Variants in HCN2 observed in about 807,000 individuals in gnomAD.
HCN2 encodes hyperpolarization activated cyclic nucleotide gated potassium and sodium channel 2.
Under a neutral mutation model 52.3 loss-of-function variants are expected in HCN2, and 20 were observed. That is an observed-to-expected ratio of 0.38 (90% CI 0.27 to 0.56). The LOEUF (loss-of-function observed/expected upper bound fraction) is 0.56, where lower values mean the gene tolerates loss of function less well. Ranked by LOEUF, HCN2 falls within the 20% of genes least tolerant of loss-of-function variation. The pLI, the probability that HCN2 is intolerant of heterozygous loss-of-function variation, is 0.71. For synonymous variants in HCN2, 694 were observed against 537.0 expected (o/e 1.29, Z -4.04); for missense variants, 981 against 1,207.7 (o/e 0.81, Z 2.78).
chr19:616,531 C>T lies in HCN2; in HGVS notation c.*57C>T, dbSNP rs886352184. The T allele has an allele frequency of 9.4e-7, 1 of 1,061,796 alleles. No homozygotes were observed. The highest frequency in any genetic ancestry group is 1.2e-6 in the Non-Finnish European group (1 of 848,102). 65.8% of individuals were successfully genotyped at this position (1,061,796 alleles called of 1,614,324 possible). A position where few individuals can be genotyped will look rare whatever the true frequency, so the allele number is the denominator to read the frequency against. Reference sequence around the variant, plus strand: ...GCCGGGGGCGGGGCCGTCATCCAGACCAAAGCCATGCCATTGCGCTGCCCC... The same window carrying T: ...GCCGGGGGCGGGGCCGTCATCCAGATCAAAGCCATGCCATTGCGCTGCCCC... On this transcript the variant is annotated 3_prime_UTR_variant, in exon 8 of 8. Coordinates refer to ENST00000251287, the MANE Select transcript of HCN2 (RefSeq NM_001194.4).
At chr19:604,422 G>C (rs908389963) in intron 2 of HCN2, among the ~76,000 whole-genome samples, 11 of 150,356 alleles carry the variant, frequency 7.3e-5, no homozygotes, top group African/African-American at 2.5e-4. Context: ...TTGCTGAGCA[G>C]GGTCGAGGCA....
At chr19:609,406 C>T (rs1036806280) in intron 4 of HCN2, among the ~76,000 whole-genome samples, 1 of 152,204 alleles carries the variant, frequency 6.6e-6, no homozygotes, top group African/African-American at 2.4e-5. Context: ...TGTCAGGGTA[C>T]CTGGGGCCTC....
intron 1 of HCN2, among the ~76,000 whole-genome samples, chr19:597,790 C>G (rs73918156): frequency 6.8e-6 from 1 of 146,316 alleles, no homozygotes; most frequent in Non-Finnish European, 1.5e-5. Flanking sequence ...GGTTTCTAGG[C>G]CCTCCTGGTG....
chr19:604,773 G>A (rs1051147801), intron 2 of HCN2, among the ~76,000 whole-genome samples: 3 of 138,204 alleles, frequency 2.2e-5, no homozygotes, highest in Admixed American at 1.4e-4. Context: ...CAGACATCAG[G>A]GGTGGGGAGC....
chr19:605,277 G>A, intron 3 of HCN2, 55 bp downstream of exon 3: 1 of 1,572,340 alleles, frequency 6.4e-7, no homozygotes, highest in Non-Finnish European at 8.7e-7. Context: ...TACAGAGGGG[G>A]GACCCAGGCC....
At chr19:604,991 C>A in intron 2 of HCN2, 70 bp from the exon 3 acceptor site, 1 of 1,280,486 alleles carries the variant, frequency 7.8e-7, no homozygotes, top group East Asian at 3.0e-5. Flanking sequence ...TGGGGGCGCA[C>A]GGGGCTGGGG....
In HCN2 at chr19:616,975, C is replaced by A; in HGVS notation, c.*501C>A. On this transcript the variant is annotated 3_prime_UTR_variant, in exon 8 of 8. Transcript: ENST00000251287. ...GGTGACCTCGGGGAGCAGCACCCCG[C>A]CTCCCTCCAGCACTGGCACCGAGAG... 2.1e-6 allele frequency: 1 copy of A among 466,964 alleles called. No homozygotes were observed. The highest frequency in any genetic ancestry group is 3.9e-6 in the Non-Finnish European group (1 of 254,380). The allele number at this position is 466,964 out of a possible 1,614,324, so 28.9% of individuals were successfully genotyped here.
At chr19:608,711 C>T (rs529724216) in intron 4 of HCN2, among the ~76,000 whole-genome samples, 1 of 151,838 alleles carries the variant, frequency 6.6e-6, no homozygotes, top group African/African-American at 2.4e-5. Context: ...GAGGCTGGGC[C>T]CACCTGGGGG....
chr19:610,132 C>T (rs141870950), intron 4 of HCN2, 127 bp from the exon 5 acceptor site: 190 of 1,134,170 alleles, frequency 1.7e-4, no homozygotes, highest in East Asian at 7.5e-4. Context: ...AGCAGGTGCC[C>T]GTGTGCCCGC....
intron 1 of HCN2, among the ~76,000 whole-genome samples, chr19:601,032 C>T (rs1209332329): frequency 1.3e-5 from 2 of 152,162 alleles, no homozygotes; most frequent in Non-Finnish European, 2.9e-5. Flanking sequence ...TGGGCTCACA[C>T]GGCCGGGCGC....
chr19:601,545 G>A (rs565240749), intron 1 of HCN2, among the ~76,000 whole-genome samples: 5 of 152,006 alleles, frequency 3.3e-5, no homozygotes, highest in African/African-American at 7.2e-5. Flanking sequence ...GTCCGCAGTC[G>A]AGCTGGTGTG....
At position 616,179 on chromosome 19, in the gene HCN2, C is replaced by T; in HGVS notation, c.2375C>T (p.Thr792Ile). 1 of 977,950 alleles carries T rather than the reference C, an allele frequency of 1.0e-6. No individual in the cohort carries two copies. Among genetic ancestry groups the T allele is most frequent in the Non-Finnish European group, 1.2e-6 (1 of 825,214 alleles). 60.6% of individuals were successfully genotyped at this position (977,950 alleles called of 1,614,324 possible). Reference sequence around the variant, plus strand: ...CCCGCCAGCCCCCGGGCACCGCGGACCTCGCCCTACGGCGGCCTGCCCGCC... The same window carrying T: ...CCCGCCAGCCCCCGGGCACCGCGGATCTCGCCCTACGGCGGCCTGCCCGCC... ...GAPASPRAPR[T>I]SPYGGLPAAP... Residue 792 changes from threonine to isoleucine, a missense_variant, in exon 8 of 8, where the codon ACC becomes ATC. Physicochemically the swap from Thr to Ile is moderately conservative, Grantham distance 89. Coordinates refer to ENST00000251287, the MANE Select transcript of HCN2 (RefSeq NM_001194.4).
chr19:613,174 C>T (rs1983719743), intron 5 of HCN2, 74 bp from the exon 6 acceptor site: 23 of 1,516,348 alleles, frequency 1.5e-5, no homozygotes, highest in Admixed American at 4.0e-5. Context: ...AGAGGTGAGC[C>T]GGTCCCAGAG....
chr19:613,704 CGGGGAT>C (rs1335697778), intron 6 of HCN2, 142 bp from the exon 7 acceptor site: 3,845 of 276,100 alleles, frequency 0.014, 676 homozygotes, highest in Admixed American at 0.067. Context: ...GGGATGGGGC[CGGGGAT>C]GGGGCCGGGG....
At position 617,068 on chromosome 19, in the gene HCN2, A is replaced by T; in HGVS notation, c.*594A>T. The T allele has an allele frequency of 3.5e-6, 2 of 578,908 alleles. No homozygotes were observed. Among genetic ancestry groups the T allele is most frequent in the South Asian group, 3.9e-5 (2 of 51,848 alleles). The allele number at this position is 578,908 out of a possible 1,614,324, so 35.9% of individuals were successfully genotyped here. ...CGCCGCCGTGATGAATGTACTGACGAGCCGAGGCAGCAGTGCCCCCACCGT... is the reference window on the plus strand; with the variant it reads ...CGCCGCCGTGATGAATGTACTGACGTGCCGAGGCAGCAGTGCCCCCACCGT... On this transcript the variant is annotated 3_prime_UTR_variant, in exon 8 of 8. Coordinates refer to ENST00000251287, the MANE Select transcript of HCN2 (RefSeq NM_001194.4).
Position 590,630 on chromosome 19 carries a change from C to T in HCN2, c.632+53C>T. The T allele has an allele frequency of 1.6e-6, 2 of 1,253,090 alleles. No homozygotes were observed. The highest frequency in any genetic ancestry group is 3.3e-5 in the East Asian group (1 of 30,368). 77.6% of individuals were successfully genotyped at this position (1,253,090 alleles called of 1,614,324 possible). ...GCGAGGGGGCCCGGGGAGCCGGGCG[C>T]GCGGGGAGCCGTCCTTGGAGCGCCT... On this transcript the variant is annotated intron_variant, in intron 1 of 7. Transcript: ENST00000251287. The surrounding 1 kb of genome is among the most constrained non-coding windows in gnomAD (Gnocchi z 7.2).
intron 7 of HCN2, among the ~76,000 whole-genome samples, chr19:614,946 G>A (rs183975079): frequency 6.6e-6 from 1 of 152,248 alleles, no homozygotes; most frequent in Admixed American, 6.5e-5. Context: ...AGGTGCGACG[G>A]AGTGGTGTCA....
chr19:612,559 A>G (rs760274040), intron 5 of HCN2, among the ~76,000 whole-genome samples: 42 of 151,754 alleles, frequency 2.8e-4, no homozygotes, highest in Non-Finnish European at 5.0e-4. Context: ...GATTACAGGC[A>G]CCCGCCACCA....
At chr19:601,032 C>A (rs1209332329) in intron 1 of HCN2, among the ~76,000 whole-genome samples, 1 of 152,162 alleles carries the variant, frequency 6.6e-6, no homozygotes, top group Admixed American at 6.5e-5. Flanking sequence ...TGGGCTCACA[C>A]GGCCGGGCGC....
Sources: allele counts gnomAD v4.1 joint callset (sites outside exome capture counted in the v4.1 genomes callset), GRCh38; gene constraint gnomAD v4.1.1; non-coding constraint Gnocchi (gnomAD v3.1); transcripts MANE v1.5; gene names NCBI Gene and HGNC (gene_info 2026-07-23, HGNC 2026-07-21).